TRPC7: variants seen among roughly 807,000 people sequenced by gnomAD.
TRPC7 encodes short transient receptor potential channel 7.
Under a neutral mutation model 90.1 loss-of-function variants are expected in TRPC7, and 42 were observed. The ratio of observed to expected loss-of-function variants is 0.47; its 90% CI spans 0.36 to 0.60. TRPC7 has a LOEUF of 0.60. Among genes scored for constraint, TRPC7 ranks in the 20% least tolerant of loss-of-function variants. The pLI, the probability that TRPC7 is intolerant of heterozygous loss-of-function variation, is 0.00. For missense variants in TRPC7, 955 were observed against 1,112.3 expected (o/e 0.86, Z 2.01); for synonymous variants, 451 against 436.3 (o/e 1.03, Z -0.42).
At chr5:136,229,374 C>T (rs1755746461) in intron 8 of TRPC7, among the ~76,000 whole-genome samples, 1 of 152,180 alleles carries the variant, frequency 6.6e-6, no homozygotes, top group South Asian at 2.1e-4. Context: ...GTGCTCCCTA[C>T]TGCATAGAGT....
intron 5 of TRPC7, among the ~76,000 whole-genome samples, chr5:136,265,905 A>G (rs1757009976): frequency 6.6e-6 from 1 of 152,210 alleles, no homozygotes; most frequent in Non-Finnish European, 1.5e-5. Flanking sequence ...CCAGTAGACT[A>G]TATTTAAATG....
At chr5:136,321,958 G>T (rs1015488038) in intron 2 of TRPC7, among the ~76,000 whole-genome samples, 1 of 151,862 alleles carries the variant, frequency 6.6e-6, no homozygotes, top group African/African-American at 2.4e-5. Context: ...ACATTTTGTT[G>T]TATCCAGTAT....
intron 7 of TRPC7, among the ~76,000 whole-genome samples, chr5:136,236,465 C>G (rs1360013924): frequency 6.6e-6 from 1 of 152,196 alleles, no homozygotes; most frequent in African/African-American, 2.4e-5. Flanking sequence ...ATATTTGACT[C>G]TGGGCCTGCA....
chr5:136,258,768 G>C (rs1561691014), intron 5 of TRPC7, among the ~76,000 whole-genome samples: 3 of 152,216 alleles, frequency 2.0e-5, no homozygotes, highest in Admixed American at 1.3e-4. Flanking sequence ...AAAGTCCTGT[G>C]AGACTTAAGT....
intron 3 of TRPC7, among the ~76,000 whole-genome samples, chr5:136,298,866 G>A (rs1432419395): frequency 6.6e-6 from 1 of 152,054 alleles, no homozygotes; most frequent in African/African-American, 2.4e-5. Context: ...AACAAAAAAT[G>A]AAAAAACCCT....
intron 7 of TRPC7, among the ~76,000 whole-genome samples, chr5:136,237,983 T>C (rs1404557747): frequency 1.3e-5 from 2 of 151,092 alleles, no homozygotes; most frequent in South Asian, 4.1e-4. Context: ...CTGGGTAGTC[T>C]GGTTCCTCCC....
chr5:136,337,732 A>G (rs1224233286), intron 2 of TRPC7, among the ~76,000 whole-genome samples: 1 of 152,132 alleles, frequency 6.6e-6, no homozygotes, highest in Non-Finnish European at 1.5e-5. Context: ...ATGAGAAAAC[A>G]TTGGGTGAAT....
At chr5:136,329,457 C>T (rs1232878193) in intron 2 of TRPC7, among the ~76,000 whole-genome samples, 2 of 152,008 alleles carry the variant, frequency 1.3e-5, no homozygotes, top group East Asian at 1.9e-4. Flanking sequence ...GGGCATGCTA[C>T]CTGAGTTTCG....
intron 2 of TRPC7, among the ~76,000 whole-genome samples, chr5:136,316,737 C>T (rs563115028): frequency 6.6e-6 from 1 of 152,318 alleles, no homozygotes; most frequent in East Asian, 1.9e-4. Context: ...TTACCTCATA[C>T]CTCTCCTCCC....
chr5:136,261,369 C>T (rs994044989), intron 5 of TRPC7, among the ~76,000 whole-genome samples: 7 of 152,092 alleles, frequency 4.6e-5, no homozygotes, highest in African/African-American at 1.7e-4. Context: ...CGGAAAATAA[C>T]TTCTACATGT....
chr5:136,295,770 T>C (rs934221287), intron 3 of TRPC7, among the ~76,000 whole-genome samples: 1 of 152,234 alleles, frequency 6.6e-6, no homozygotes, highest in Non-Finnish European at 1.5e-5. Context: ...TACTCAGCCA[T>C]AGAAGCATGT....
rs536202734 is a variant in TRPC7 at position 136,247,205 on chromosome 5, C to T, written c.1844+266G>A. On this transcript the variant is annotated intron_variant, in intron 7 of 11. Transcript: ENST00000513104. This position sits in a 1 kb window ranked among gnomAD's most constrained non-coding sequence, Gnocchi z 4.2. The stretch of plus-strand genomic sequence containing the variant: ...GCTGAGAATGTCAAATCCTAGAAAA[C>T]GTAGCATTCCTACATGTGATTTTTT... Among the ~76,000 whole-genome samples, 2 of 148,680 alleles carry T rather than the reference C, an allele frequency of 1.3e-5. No individual in the cohort carries two copies. Among genetic ancestry groups the T allele is most frequent in the Admixed American group, 6.8e-5 (1 of 14,730 alleles).
At chr5:136,248,419 T>C (rs1379419602) in intron 6 of TRPC7, among the ~76,000 whole-genome samples, 1 of 152,244 alleles carries the variant, frequency 6.6e-6, no homozygotes, top group Non-Finnish European at 1.5e-5. Flanking sequence ...CAGGTACAGA[T>C]AAGTGTTTGT....
intron 5 of TRPC7, among the ~76,000 whole-genome samples, chr5:136,264,970 A>G (rs995685704): frequency 1.3e-5 from 2 of 152,080 alleles, no homozygotes; most frequent in Admixed American, 1.3e-4. Flanking sequence ...CATTCATCTC[A>G]TCTTCCTTTG....
intron 8 of TRPC7, among the ~76,000 whole-genome samples, chr5:136,229,112 C>G (rs1755735995): frequency 6.6e-6 from 1 of 152,172 alleles, no homozygotes; most frequent in Non-Finnish European, 1.5e-5. Context: ...AAACTGAGGC[C>G]CAGAAGGGCA....
At chr5:136,307,948 A>G (rs1758700583) in intron 3 of TRPC7, among the ~76,000 whole-genome samples, 1 of 152,156 alleles carries the variant, frequency 6.6e-6, no homozygotes, top group South Asian at 2.1e-4. Context: ...ATTTGTTTGT[A>G]TTTTATGGAT....
intron 3 of TRPC7, among the ~76,000 whole-genome samples, chr5:136,308,414 T>C (rs1758716025): frequency 6.6e-6 from 1 of 152,362 alleles, no homozygotes; most frequent in South Asian, 2.1e-4. Flanking sequence ...CCAGCCAGAC[T>C]GTGTCTGTGA....
chr5:136,319,736 C>T (rs1580950472), intron 2 of TRPC7, among the ~76,000 whole-genome samples: 1 of 150,414 alleles, frequency 6.6e-6, no homozygotes, highest in East Asian at 2.0e-4. Flanking sequence ...AGTGCTTTAA[C>T]ATGGCTGATC....
chr5:136,273,169 G>C (rs552041886), intron 4 of TRPC7, among the ~76,000 whole-genome samples: 1 of 151,950 alleles, frequency 6.6e-6, no homozygotes, highest in South Asian at 2.1e-4. Context: ...CTGGGGCTCA[G>C]AGAAAGTGAA....
Sources: allele counts gnomAD v4.1 joint callset (sites outside exome capture counted in the v4.1 genomes callset), GRCh38; gene constraint gnomAD v4.1.1; non-coding constraint Gnocchi (gnomAD v3.1); transcripts MANE v1.5; gene names NCBI Gene and HGNC (gene_info 2026-07-23, HGNC 2026-07-21).